The following CHRM3 variants were observed in gnomAD, a reference collection of about 807,000 sequenced individuals.
CHRM3 encodes muscarinic acetylcholine receptor M3.
A neutral mutation model predicts 41.8 loss-of-function variants in CHRM3; 11 were observed. The observed-to-expected ratio is 0.26, with a 90% CI of 0.17 to 0.44. CHRM3 has a LOEUF of 0.44. Ranked by LOEUF, CHRM3 falls within the 20% of genes least tolerant of loss-of-function variation. The pLI is 1.00. For missense variants in CHRM3, 571 were observed against 745.4 expected (o/e 0.77, Z 2.72); for synonymous variants, 297 against 301.4 (o/e 0.99, Z 0.15).
At chr1:239,544,741 C>A (rs549492383) in intron 2 of CHRM3, among the ~76,000 whole-genome samples, 1 of 152,268 alleles carries the variant, frequency 6.6e-6, no homozygotes, top group Admixed American at 6.5e-5. Context: ...TCTTGACATA[C>A]AAAGACGAGT....
intron 1 of CHRM3, among the ~76,000 whole-genome samples, chr1:239,393,538 T>A (rs1316016156): frequency 6.6e-6 from 1 of 152,166 alleles, no homozygotes; most frequent in Non-Finnish European, 1.5e-5. Context: ...GGCCATGATG[T>A]TTCTTTATAT....
intron 1 of CHRM3, among the ~76,000 whole-genome samples, chr1:239,404,584 G>A (rs1660419280): frequency 6.6e-6 from 1 of 150,704 alleles, no homozygotes; most frequent in Non-Finnish European, 1.5e-5. Context: ...TATTCAACTT[G>A]AGATGTTTCT....
At chr1:239,825,024 C>T (rs906196785) in intron 5 of CHRM3, among the ~76,000 whole-genome samples, 1 of 152,192 alleles carries the variant, frequency 6.6e-6, no homozygotes, top group African/African-American at 2.4e-5. Context: ...ACATTTACTG[C>T]GCACCTGCCA....
At chr1:239,726,907 C>T (rs1045666913) in intron 5 of CHRM3, among the ~76,000 whole-genome samples, 1 of 151,848 alleles carries the variant, frequency 6.6e-6, no homozygotes, top group Non-Finnish European at 1.5e-5. Flanking sequence ...AATTATACAA[C>T]TTAAAATCGT....
In CHRM3 at chr1:239,820,716, A is replaced by G. The variant is rs1351253003; in HGVS notation, c.-146-6536A>G. Among the ~76,000 whole-genome samples, 24 of 152,270 alleles carry G rather than the reference A, an allele frequency of 1.6e-4. 1 individual carries two copies. The highest frequency in any genetic ancestry group is 1.5e-5 in the Non-Finnish European group (1 of 68,022). ...TGCCATGTTGGTCTTCAAGACAACA[A>G]AACAGGTGACCAAAAGTTGTGCCCT... On this transcript the variant is annotated intron_variant, in intron 5 of 6. Coordinates refer to ENST00000676153, the MANE Select transcript of CHRM3 (RefSeq NM_001375978.1).
intron 3 of CHRM3, among the ~76,000 whole-genome samples, chr1:239,630,000 A>G (rs1669624382): frequency 6.6e-6 from 1 of 152,222 alleles, no homozygotes; most frequent in African/African-American, 2.4e-5. Flanking sequence ...ACATGCAATT[A>G]ATTTTCAATA....
intron 2 of CHRM3, among the ~76,000 whole-genome samples, chr1:239,507,330 A>T (rs1000192739): frequency 2.6e-5 from 4 of 152,146 alleles, no homozygotes; most frequent in African/African-American, 9.7e-5. Context: ...TGTTCTCGTG[A>T]TAGTGAACAA....
rs142549157 is a variant in CHRM3, at chr1:239,896,124, G to A, written c.-19-11309G>A. Reference sequence around the variant, plus strand: ...AAAGTGTCCCTCCGGGGTCTGTGCCGTCCTGGGAGAGACACAGTGAAGTGC... The same window carrying A: ...AAAGTGTCCCTCCGGGGTCTGTGCCATCCTGGGAGAGACACAGTGAAGTGC... On this transcript the variant is annotated intron_variant, in intron 6 of 6. Transcript: ENST00000676153. 3.3e-3 allele frequency among the ~76,000 whole-genome samples: 497 copies of A among 152,300 alleles called. 3 individuals carry two copies. Among genetic ancestry groups the A allele is most frequent in the Admixed American group, 6.5e-3 (100 of 15,298 alleles).
At chr1:239,620,452 A>G (rs1315495924) in intron 3 of CHRM3, among the ~76,000 whole-genome samples, 1 of 152,166 alleles carries the variant, frequency 6.6e-6, no homozygotes, top group African/African-American at 2.4e-5. Flanking sequence ...AGATAGAAAT[A>G]GAGATAGATA....
intron 6 of CHRM3, among the ~76,000 whole-genome samples, chr1:239,880,846 G>C (rs1393907484): frequency 1.3e-5 from 2 of 152,130 alleles, no homozygotes; most frequent in Non-Finnish European, 2.9e-5. Flanking sequence ...AAAAGCAAGC[G>C]AGGCCATTTA....
At chr1:239,515,373 G>T (rs1047688919) in intron 2 of CHRM3, among the ~76,000 whole-genome samples, 4 of 150,130 alleles carry the variant, frequency 2.7e-5, no homozygotes, top group Admixed American at 1.3e-4. Context: ...CCTTAATAAG[G>T]CATCTAGGGT....
At chr1:239,804,873 G>C (rs1670509068) in intron 5 of CHRM3, among the ~76,000 whole-genome samples, 1 of 152,140 alleles carries the variant, frequency 6.6e-6, no homozygotes, top group Admixed American at 6.5e-5. Flanking sequence ...TCTTGTGCCA[G>C]CTCTTTTCTT....
chr1:239,559,459 A>G (rs763296539), intron 3 of CHRM3, among the ~76,000 whole-genome samples: 4 of 152,220 alleles, frequency 2.6e-5, no homozygotes, highest in Non-Finnish European at 4.4e-5. Context: ...TTCAGTCAAG[A>G]ATATTTAATC....
At chr1:239,488,283 C>T (rs752581979) in intron 1 of CHRM3, among the ~76,000 whole-genome samples, 3 of 152,124 alleles carry the variant, frequency 2.0e-5, no homozygotes, top group Admixed American at 6.5e-5. Context: ...GTCAAACTCC[C>T]CTCCTGGAAT....
At chr1:239,676,587 A>G (rs1658025062) in intron 4 of CHRM3, among the ~76,000 whole-genome samples, 1 of 152,124 alleles carries the variant, frequency 6.6e-6, no homozygotes, top group African/African-American at 2.4e-5. Flanking sequence ...GCCACACTTA[A>G]CTTCTTCAAG....
At chr1:239,499,609 C>T (rs1187550921) in intron 2 of CHRM3, among the ~76,000 whole-genome samples, 4 of 152,046 alleles carry the variant, frequency 2.6e-5, no homozygotes, top group Admixed American at 6.6e-5. Context: ...GAACTCGGTG[C>T]CACCAACACG....
chr1:239,490,990 T>C (rs939156298), intron 1 of CHRM3, among the ~76,000 whole-genome samples: 2 of 152,172 alleles, frequency 1.3e-5, no homozygotes, highest in Non-Finnish European at 2.9e-5. Context: ...ATTTTTCCCC[T>C]TGGCCTCCCA....
chr1:239,449,753 T>TGTGTGTGTGC (rs58076099), intron 1 of CHRM3, among the ~76,000 whole-genome samples: 4,579 of 151,678 alleles, frequency 0.03, 88 homozygotes, highest in African/African-American at 0.053. Flanking sequence ...TGTGTGTGTG[T>TGTGTGTGTGC]GCGTGTGTGT....
chr1:239,676,541 T>C lies in CHRM3; in HGVS notation c.-249-1645T>C, dbSNP rs145870262. Among the ~76,000 whole-genome samples the C allele has an allele frequency of 5.1e-3, 783 of 152,290 alleles. 1 individual carries two copies. Among genetic ancestry groups the C allele is most frequent in the African/African-American group, 0.018 (736 of 41,566 alleles). ...CAGCAAAGCATTCACTGTCAAGAAA[T>C]AGTGTATATCATGGTCATACCACAT... On this transcript the variant is annotated intron_variant, in intron 4 of 6. Coordinates refer to ENST00000676153, the MANE Select transcript of CHRM3 (RefSeq NM_001375978.1).
Sources: allele counts gnomAD v4.1 joint callset (sites outside exome capture counted in the v4.1 genomes callset), GRCh38; gene constraint gnomAD v4.1.1; transcripts MANE v1.5; gene names NCBI Gene and HGNC (gene_info 2026-07-23, HGNC 2026-07-21).